Variants in AGBL4 observed in about 807,000 individuals in gnomAD.
The protein encoded by AGBL4 is cytosolic carboxypeptidase 6.
In AGBL4, 58 loss-of-function variants were observed where a neutral mutation model predicts 66.4. That is an observed-to-expected ratio of 0.87 (90% CI 0.71 to 1.09). The LOEUF (loss-of-function observed/expected upper bound fraction) is 1.09, where lower values mean the gene tolerates loss of function less well. AGBL4 is among the 50% of genes least tolerant of loss of function. AGBL4 has a pLI of 0.00. For synonymous variants in AGBL4, 234 were observed against 222.9 expected, an observed-to-expected ratio of 1.05 and a Z score of -0.44; for missense variants, 579 against 631.0, an observed-to-expected ratio of 0.92 and a Z score of 0.88.
intron 5 of AGBL4, among the ~76,000 whole-genome samples, chr1:48,966,625 C>T (rs1048240734): frequency 6.6e-6 from 1 of 152,038 alleles, no homozygotes; most frequent in African/African-American, 2.4e-5. Context: ...ACTCTAATGC[C>T]TATGGTACAA....
chr1:49,647,508 G>C (rs1224058879), intron 3 of AGBL4, among the ~76,000 whole-genome samples: 1 of 152,018 alleles, frequency 6.6e-6, no homozygotes, highest in Non-Finnish European at 1.5e-5. Context: ...AAATTACAGG[G>C]GGACTCAGTC....
chr1:49,561,559 T>C (rs1395825675), intron 3 of AGBL4, among the ~76,000 whole-genome samples: 2 of 152,080 alleles, frequency 1.3e-5, no homozygotes, highest in African/African-American at 4.8e-5. Flanking sequence ...CATGTGGTTT[T>C]TGGTTTTTTG....
intron 6 of AGBL4, among the ~76,000 whole-genome samples, chr1:48,849,677 A>C (rs1646990299): frequency 6.6e-6 from 1 of 152,350 alleles, no homozygotes; most frequent in South Asian, 2.1e-4. Context: ...ATAATTATTT[A>C]AAACACTTTT....
In AGBL4 at chr1:49,637,757, T is replaced by TA. The variant is rs537196669; in HGVS notation, c.282+59555dup. ...AACCTAATAGCAACAAATTAAAAAA[T>TA]AAAAAAAAATTATCTGTAGACTTGA... On this transcript the variant is annotated intron_variant, in intron 3 of 13. Coordinates refer to ENST00000371839, the MANE Select transcript of AGBL4 (RefSeq NM_032785.4). Among the ~76,000 whole-genome samples the TA allele has an allele frequency of 3.8e-4, 58 of 151,122 alleles. 1 individual carries two copies. The South Asian group carries it at 9.6e-3, about 25-fold the overall frequency.
intron 5 of AGBL4, among the ~76,000 whole-genome samples, chr1:48,874,233 T>C (rs1484947291): frequency 6.6e-6 from 1 of 152,110 alleles, no homozygotes; most frequent in Non-Finnish European, 1.5e-5. Flanking sequence ...TCCTTTCCTG[T>C]AACCCCTCCC....
chr1:49,684,547 A>G (rs2124571789), intron 3 of AGBL4, among the ~76,000 whole-genome samples: 1 of 152,284 alleles, frequency 6.6e-6, no homozygotes, highest in Non-Finnish European at 1.5e-5. Flanking sequence ...TTCATAAACA[A>G]GTAACCATGT....
intron 6 of AGBL4, among the ~76,000 whole-genome samples, chr1:48,744,878 C>T (rs1430886166): frequency 6.6e-6 from 1 of 152,218 alleles, no homozygotes; most frequent in African/African-American, 2.4e-5. Flanking sequence ...TTCCAGGCCT[C>T]TGTGCTGTTT....
At chr1:48,620,219 C>A (rs1645389323) in intron 9 of AGBL4, among the ~76,000 whole-genome samples, 1 of 152,258 alleles carries the variant, frequency 6.6e-6, no homozygotes, top group Admixed American at 6.5e-5. Flanking sequence ...GTGGCCAGAG[C>A]ATTTGAGCTA....
intron 7 of AGBL4, among the ~76,000 whole-genome samples, chr1:48,655,399 A>G (rs997584694): frequency 6.6e-6 from 1 of 152,186 alleles, no homozygotes; most frequent in Non-Finnish European, 1.5e-5. Flanking sequence ...AGATGATGCC[A>G]TCCTGGCCAA....
At chr1:49,217,146 CAGAG>C (rs909938543) in intron 4 of AGBL4, among the ~76,000 whole-genome samples, 1 of 151,648 alleles carries the variant, frequency 6.6e-6, no homozygotes, top group Non-Finnish European at 1.5e-5. Flanking sequence ...GAAAACGAAG[CAGAG>C]AGAGAGAGAA....
intron 5 of AGBL4, among the ~76,000 whole-genome samples, chr1:49,027,445 G>A (rs886213851): frequency 2.6e-5 from 4 of 152,054 alleles, no homozygotes; most frequent in Admixed American, 6.6e-5. Context: ...TTATAGGCAT[G>A]AGCCACCGTG....
intron 3 of AGBL4, among the ~76,000 whole-genome samples, chr1:49,371,156 C>G (rs370425265): frequency 2.0e-5 from 3 of 152,130 alleles, no homozygotes; most frequent in Middle Eastern, 3.4e-3. Flanking sequence ...GACTGCCAGC[C>G]TCTAATTGTA....
intron 3 of AGBL4, among the ~76,000 whole-genome samples, chr1:49,266,608 A>AACACACACACAC (rs71307610): frequency 2.0e-5 from 3 of 149,746 alleles, no homozygotes; most frequent in African/African-American, 4.9e-5. Context: ...ATAAACCTGT[A>AACACACACACAC]ACACACACAC....
intron 1 of AGBL4, among the ~76,000 whole-genome samples, chr1:50,013,810 A>T (rs1661730333): frequency 6.6e-6 from 1 of 152,222 alleles, no homozygotes; most frequent in African/African-American, 2.4e-5. Context: ...TTAAACATGT[A>T]TAAAGCTGTA....
At chr1:49,891,136 A>G (rs1427975639) in intron 1 of AGBL4, among the ~76,000 whole-genome samples, 1 of 152,188 alleles carries the variant, frequency 6.6e-6, no homozygotes, top group Non-Finnish European at 1.5e-5. Flanking sequence ...AGGTAGAAGA[A>G]AGAAAAAGTG....
chr1:48,590,947 G>A lies in AGBL4; in HGVS notation c.990C>T (p.His330=). 6.2e-7 allele frequency: 1 copy of A among 1,610,966 alleles called. No individual in the cohort carries two copies. The highest frequency in any genetic ancestry group is 8.5e-7 in the Non-Finnish European group (1 of 1,178,868). The change falls in exon 10 of 14, where the codon CAC becomes CAT. Residue 330 remains histidine, a synonymous_variant. Coordinates refer to ENST00000371839, the MANE Select transcript of AGBL4 (RefSeq NM_032785.4). ...SLEFYIDIHA[H]STMMNGFMYG... is the part of the protein sequence containing the mutation. ...ACATGAAGCCATTCATCATGGTGGA[G>A]TGGGCATGGATGTCAATATAAAACT...
At chr1:49,228,377 T>A (rs1650064435) in intron 4 of AGBL4, among the ~76,000 whole-genome samples, 1 of 152,178 alleles carries the variant, frequency 6.6e-6, no homozygotes, top group Admixed American at 6.5e-5. Flanking sequence ...ATGATAAGGC[T>A]ATAACAAATG....
At chr1:49,696,180 T>C (rs1432811768) in intron 3 of AGBL4, among the ~76,000 whole-genome samples, 1 of 152,152 alleles carries the variant, frequency 6.6e-6, no homozygotes, top group African/African-American at 2.4e-5. Flanking sequence ...ATAATCTCAC[T>C]ATGTGTACAA....
intron 1 of AGBL4, among the ~76,000 whole-genome samples, chr1:49,896,963 A>G (rs1225778132): frequency 3.9e-5 from 6 of 152,062 alleles, no homozygotes; most frequent in African/African-American, 7.2e-5. Context: ...ACATACCTCA[A>G]TACAATAAAA....
Sources: allele counts gnomAD v4.1 joint callset (sites outside exome capture counted in the v4.1 genomes callset), GRCh38; gene constraint gnomAD v4.1.1; transcripts MANE v1.5; gene names NCBI Gene and HGNC (gene_info 2026-07-23, HGNC 2026-07-21).